The following DIAPH3 variants were observed in gnomAD, a reference collection of about 807,000 sequenced individuals.
The protein encoded by DIAPH3 is protein diaphanous homolog 3.
In DIAPH3, 117 loss-of-function variants were observed where a neutral mutation model predicts 144.3. The observed-to-expected ratio is 0.81, with a 90% CI of 0.70 to 0.95. The LOEUF is 0.95. Ranked by LOEUF, DIAPH3 falls within the 40% of genes least tolerant of loss-of-function variation. DIAPH3 has a pLI of 0.00. For missense variants in DIAPH3, 1,421 were observed against 1,412.7 expected (o/e 1.01, Z -0.09); for synonymous variants, 519 against 488.9 (o/e 1.06, Z -0.81).
intron 27 of DIAPH3, among the ~76,000 whole-genome samples, chr13:59,667,850 T>C (rs897782892): frequency 2.0e-5 from 3 of 152,172 alleles, no homozygotes; most frequent in Admixed American, 6.5e-5. Context: ...AGTAATGACT[T>C]TGGAGCACAA....
chr13:59,932,870 G>T (rs895256420), intron 17 of DIAPH3, among the ~76,000 whole-genome samples: 3 of 152,022 alleles, frequency 2.0e-5, no homozygotes, highest in African/African-American at 7.2e-5. Context: ...CTTTTTTGTT[G>T]ATATGAAGCC....
intron 5 of DIAPH3, among the ~76,000 whole-genome samples, chr13:60,018,561 C>T (rs2053807542): frequency 6.6e-6 from 1 of 152,112 alleles, no homozygotes; most frequent in Non-Finnish European, 1.5e-5. Context: ...TTCTAAACTA[C>T]AGAATATGAA....
intron 5 of DIAPH3, among the ~76,000 whole-genome samples, chr13:60,027,829 T>C (rs900169595): frequency 5.9e-5 from 9 of 152,174 alleles, no homozygotes; most frequent in Non-Finnish European, 1.3e-4. Context: ...AGCACTAAAT[T>C]ATTCATTTTA....
intron 5 of DIAPH3, among the ~76,000 whole-genome samples, chr13:60,042,480 GC>G (rs1236146802): frequency 6.6e-6 from 1 of 151,166 alleles, no homozygotes; most frequent in African/African-American, 2.4e-5. Context: ...TGGGCAAAAG[GC>G]TTTTTTACAG....
At chr13:59,791,993 G>A (rs1387651379) in intron 25 of DIAPH3, among the ~76,000 whole-genome samples, 2 of 152,122 alleles carry the variant, frequency 1.3e-5, no homozygotes, top group Non-Finnish European at 2.9e-5. Context: ...ATCATTCTTA[G>A]ACAACAGTGT....
intron 17 of DIAPH3, among the ~76,000 whole-genome samples, chr13:59,951,134 C>T (rs555287814): frequency 1.3e-5 from 2 of 152,096 alleles, no homozygotes; most frequent in East Asian, 1.9e-4. Flanking sequence ...ACCAAATCTC[C>T]TATTGTAGTT....
intron 3 of DIAPH3, among the ~76,000 whole-genome samples, chr13:60,103,062 T>C (rs771641519): frequency 6.6e-6 from 1 of 152,100 alleles, no homozygotes; most frequent in Non-Finnish European, 1.5e-5. Context: ...AATTGCCAGT[T>C]TGCTACTGTT....
intron 27 of DIAPH3, among the ~76,000 whole-genome samples, chr13:59,737,052 G>A (rs1168466771): frequency 1.3e-5 from 2 of 152,102 alleles, no homozygotes; most frequent in African/African-American, 4.8e-5. Flanking sequence ...AAAAACCCTG[G>A]AAGACAACCT....
chr13:59,712,833 C>T (rs1318107007), intron 27 of DIAPH3, among the ~76,000 whole-genome samples: 1 of 152,168 alleles, frequency 6.6e-6, no homozygotes, highest in Non-Finnish European at 1.5e-5. Context: ...ACCTTTTTGG[C>T]ACCAGGGACT....
intron 24 of DIAPH3, among the ~76,000 whole-genome samples, chr13:59,822,830 T>C (rs1240581455): frequency 6.6e-6 from 1 of 152,152 alleles, no homozygotes; most frequent in Non-Finnish European, 1.5e-5. Context: ...TTTCCTCTTG[T>C]CTCTATGTGA....
intron 24 of DIAPH3, among the ~76,000 whole-genome samples, chr13:59,819,556 G>A (rs1180876365): frequency 6.6e-6 from 1 of 151,708 alleles, no homozygotes; most frequent in Non-Finnish European, 1.5e-5. Flanking sequence ...TAATGTAGCA[G>A]TTCTCATACA....
chr13:59,931,772 T>C (rs1272086757), intron 17 of DIAPH3, among the ~76,000 whole-genome samples: 1 of 152,236 alleles, frequency 6.6e-6, no homozygotes, highest in Non-Finnish European at 1.5e-5. Context: ...ACGATGGTGA[T>C]GTTTATTTAA....
chr13:60,096,768 G>C (rs564013267), intron 3 of DIAPH3, among the ~76,000 whole-genome samples: 1 of 152,266 alleles, frequency 6.6e-6, no homozygotes, highest in East Asian at 1.9e-4. Flanking sequence ...TTTGGGCCCT[G>C]GGACTTCCCC....
At chr13:59,675,026 A>G (rs1459825783) in intron 27 of DIAPH3, among the ~76,000 whole-genome samples, 4 of 152,210 alleles carry the variant, frequency 2.6e-5, no homozygotes, top group African/African-American at 7.2e-5. Context: ...TATTAAACAC[A>G]TACTACATAC....
At chr13:59,920,682 T>C (rs1461563158) in intron 18 of DIAPH3, among the ~76,000 whole-genome samples, 1 of 151,624 alleles carries the variant, frequency 6.6e-6, no homozygotes, top group East Asian at 1.9e-4. Flanking sequence ...AATAAAACAG[T>C]CATCTAGACA....
chr13:59,892,283 G>T (rs2140129558), intron 20 of DIAPH3, among the ~76,000 whole-genome samples: 1 of 151,888 alleles, frequency 6.6e-6, no homozygotes, highest in Non-Finnish European at 1.5e-5. Flanking sequence ...CCTAAAATGA[G>T]AACAAGAAAA....
chr13:60,005,333 A>T (rs904118751), intron 9 of DIAPH3, among the ~76,000 whole-genome samples: 2 of 152,228 alleles, frequency 1.3e-5, no homozygotes, highest in Non-Finnish European at 2.9e-5. Context: ...GTAGATCAAT[A>T]GTTGTCTCAG....
chr13:60,149,126 A>G (rs368172228), intron 1 of DIAPH3, among the ~76,000 whole-genome samples: 46 of 152,336 alleles, frequency 3.0e-4, no homozygotes, highest in African/African-American at 9.4e-4. Flanking sequence ...TTTCTTTCAC[A>G]ATGGTAAACA....
intron 9 of DIAPH3, among the ~76,000 whole-genome samples, chr13:60,006,030 C>T (rs538867452): frequency 1.3e-5 from 2 of 152,188 alleles, no homozygotes; most frequent in South Asian, 2.1e-4. Context: ...TATTTTTCCA[C>T]AGAAGAGCAC....
Sources: gnomAD v4.1 joint callset for allele counts (sites outside exome capture counted in the v4.1 genomes callset) on GRCh38, gnomAD v4.1.1 for gene constraint, MANE v1.5 for transcripts, NCBI Gene and HGNC (gene_info 2026-07-23, HGNC 2026-07-21) for gene names.